Variants in FRMD4A observed in about 807,000 individuals in gnomAD.
The protein encoded by FRMD4A is FERM domain-containing protein 4A.
In FRMD4A, 29 loss-of-function variants were observed where a neutral mutation model predicts 129.1. The ratio of observed to expected loss-of-function variants is 0.22; its 90% CI spans 0.17 to 0.31. The LOEUF (loss-of-function observed/expected upper bound fraction) is 0.31, where lower values mean the gene tolerates loss of function less well. Among genes scored for constraint, FRMD4A ranks in the 10% least tolerant of loss-of-function variants. FRMD4A has a pLI of 1.00. For synonymous variants in FRMD4A, 634 were observed against 571.6 expected (o/e 1.11, Z -1.56); for missense variants, 1,272 against 1,375.8 (o/e 0.92, Z 1.19).
At chr10:14,258,037 T>A (rs1036245451) in intron 2 of FRMD4A, among the ~76,000 whole-genome samples, 1 of 152,006 alleles carries the variant, frequency 6.6e-6, no homozygotes, top group African/African-American at 2.4e-5. Context: ...ACACTATATA[T>A]AAAAATTAAC....
chr10:14,055,971 T>A (rs999836131), intron 2 of FRMD4A, among the ~76,000 whole-genome samples: 7 of 152,158 alleles, frequency 4.6e-5, no homozygotes, highest in Non-Finnish European at 4.4e-5. Context: ...GTCTCGCTCT[T>A]TCGCCCAGGC....
At chr10:13,745,581 T>C (rs1004851787) in intron 9 of FRMD4A, among the ~76,000 whole-genome samples, 3 of 152,164 alleles carry the variant, frequency 2.0e-5, no homozygotes, top group African/African-American at 7.2e-5. Context: ...GAGGTGCCTC[T>C]GGGTTAGTAA....
intron 16 of FRMD4A, among the ~76,000 whole-genome samples, chr10:13,671,558 CTTG>C (rs1029115768): frequency 1.1e-4 from 17 of 152,196 alleles, no homozygotes; most frequent in African/African-American, 3.9e-4. Context: ...CGGAAATCTA[CTTG>C]TTGTGGGTAC....
intron 3 of FRMD4A, among the ~76,000 whole-genome samples, chr10:13,846,957 G>C (rs1336735836): frequency 6.6e-6 from 1 of 152,182 alleles, no homozygotes; most frequent in Non-Finnish European, 1.5e-5. Flanking sequence ...CTGAGTCCAG[G>C]GTGGCAAATG....
At chr10:13,934,406 G>A (rs546879711) in intron 2 of FRMD4A, among the ~76,000 whole-genome samples, 16 of 152,164 alleles carry the variant, frequency 1.1e-4, no homozygotes, top group Admixed American at 2.6e-4. Context: ...TCTTGGAAGC[G>A]CAAGCTTAAT....
At chr10:14,043,256 T>A (rs934208058) in intron 2 of FRMD4A, among the ~76,000 whole-genome samples, 75 of 152,226 alleles carry the variant, frequency 4.9e-4, no homozygotes, top group African/African-American at 1.8e-3. Context: ...GGGATTTTTT[T>A]ATGAGAAATT....
chr10:13,911,928 G>A (rs1371514178), intron 2 of FRMD4A, among the ~76,000 whole-genome samples: 2 of 152,138 alleles, frequency 1.3e-5, no homozygotes, highest in African/African-American at 4.8e-5. Context: ...CTTTTACTCT[G>A]TGCCCACATA....
rs573728670 is a variant in FRMD4A at position 13,884,887 on chromosome 10, T to C, written c.46-25975A>G. ...AGAGCTAACATTTGTCCACGTATAC[T>C]ACTTTCTGTCTATAAAATTGATTTC... On this transcript the variant is annotated intron_variant, in intron 2 of 24. Transcript: ENST00000357447. 4.6e-5 allele frequency among the ~76,000 whole-genome samples: 7 copies of C among 152,382 alleles called. No homozygotes were observed. The South Asian group carries it at 1.4e-3, about 32-fold the overall frequency.
At position 14,296,670 on chromosome 10, in the gene FRMD4A, T is replaced by C. The variant is rs72780821; in HGVS notation, c.45+33388A>G. Among the ~76,000 whole-genome samples the C allele has an allele frequency of 7.3e-3, 1,117 of 152,320 alleles. 24 individuals are homozygous for C. The highest frequency in any genetic ancestry group is 0.063 in the South Asian group (304 of 4,822). On this transcript the variant is annotated intron_variant, in intron 2 of 24. Coordinates refer to ENST00000357447, the MANE Select transcript of FRMD4A (RefSeq NM_018027.5). ...ATGCCAAAAGGGAATTCATGAATTCTTGTCTATTTTCTCATTTATATTCTT... is the reference window on the plus strand; with the variant it reads ...ATGCCAAAAGGGAATTCATGAATTCCTGTCTATTTTCTCATTTATATTCTT...
chr10:13,846,072 T>C (rs1487927418), intron 3 of FRMD4A, among the ~76,000 whole-genome samples: 1 of 152,098 alleles, frequency 6.6e-6, no homozygotes, highest in East Asian at 1.9e-4. Context: ...CCTCATAGAG[T>C]TGTGGGGCTG....
At chr10:13,924,218 T>A (rs969213232) in intron 2 of FRMD4A, among the ~76,000 whole-genome samples, 3 of 152,176 alleles carry the variant, frequency 2.0e-5, no homozygotes, top group African/African-American at 7.2e-5. Flanking sequence ...CAGTCTATTG[T>A]CCATGCCATG....
intron 2 of FRMD4A, among the ~76,000 whole-genome samples, chr10:14,126,307 A>T (rs1838839362): frequency 6.6e-5 from 10 of 151,652 alleles, no homozygotes; most frequent in Admixed American, 6.6e-4. Context: ...AATAGCTGGG[A>T]CTACAGGCGT....
At chr10:13,814,592 A>T (rs1235467313) in intron 3 of FRMD4A, among the ~76,000 whole-genome samples, 2 of 144,792 alleles carry the variant, frequency 1.4e-5, no homozygotes, top group Non-Finnish European at 3.1e-5. Flanking sequence ...AAAAAAAAAA[A>T]AAAAAAAAAA....
chr10:13,701,981 C>T (rs746284664), intron 13 of FRMD4A, among the ~76,000 whole-genome samples: 2 of 152,184 alleles, frequency 1.3e-5, no homozygotes, highest in African/African-American at 2.4e-5. Context: ...AATTTCCAAT[C>T]TATTCAGAGG....
intron 2 of FRMD4A, among the ~76,000 whole-genome samples, chr10:14,109,680 A>G (rs1837778927): frequency 6.6e-6 from 1 of 152,142 alleles, no homozygotes; most frequent in South Asian, 2.1e-4. Flanking sequence ...CCAGTTCTTA[A>G]AAATGCTTTG....
chr10:13,940,881 G>T (rs1175313538), intron 2 of FRMD4A, among the ~76,000 whole-genome samples: 2 of 152,168 alleles, frequency 1.3e-5, no homozygotes, highest in African/African-American at 4.8e-5. Context: ...GGCCAGAGTG[G>T]TTGTGTCAAC....
At chr10:13,711,103 G>C (rs545097963) in intron 12 of FRMD4A, among the ~76,000 whole-genome samples, 1 of 152,346 alleles carries the variant, frequency 6.6e-6, no homozygotes, top group East Asian at 1.9e-4. Context: ...TCTTCACTTA[G>C]GAGGGAGGGG....
intron 3 of FRMD4A, among the ~76,000 whole-genome samples, chr10:13,829,282 T>C (rs540274572): frequency 1.4e-4 from 22 of 152,254 alleles, no homozygotes; most frequent in Admixed American, 8.5e-4. Context: ...CCCAGCACTT[T>C]GGGGGTCCGA....
At chr10:14,067,560 T>C (rs535919820) in intron 2 of FRMD4A, among the ~76,000 whole-genome samples, 6 of 152,122 alleles carry the variant, frequency 3.9e-5, no homozygotes, top group African/African-American at 1.4e-4. Flanking sequence ...GGCTCACACT[T>C]GTAATCCCAG....
Sources: allele counts gnomAD v4.1 joint callset (sites outside exome capture counted in the v4.1 genomes callset), GRCh38; gene constraint gnomAD v4.1.1; transcripts MANE v1.5; gene names NCBI Gene and HGNC (gene_info 2026-07-23, HGNC 2026-07-21).